The following DNAJC15 variants were observed in gnomAD, a reference collection of about 807,000 sequenced individuals.
DNAJC15 encodes DnaJ heat shock protein family (Hsp40) member C15, also known as dnaJ homolog subfamily C member 15.
Under a neutral mutation model 22.4 loss-of-function variants are expected in DNAJC15, and 27 were observed. That is an observed-to-expected ratio of 1.20 (90% confidence interval 0.89 to 1.66). DNAJC15 has a LOEUF of 1.66. Among genes scored for constraint, DNAJC15 ranks in the 40% most tolerant of loss-of-function variants. DNAJC15 has a pLI of 0.00. For synonymous variants in DNAJC15, 79 were observed against 63.2 expected, an observed-to-expected ratio of 1.25 and a Z score of -1.19; for missense variants, 208 against 187.1, an observed-to-expected ratio of 1.11 and a Z score of -0.65.
chr13:43,107,118 G>A (rs889179583), intron 5 of DNAJC15, 60 bp from the exon 6 acceptor site: 8 of 1,331,036 alleles, frequency 6.0e-6, no homozygotes, highest in Non-Finnish European at 8.1e-6. Flanking sequence ...TATATTTTGG[G>A]GACTTTAAAG....
At chr13:43,091,394 G>A (rs997394026) in intron 5 of DNAJC15, among the ~76,000 whole-genome samples, 1 of 152,090 alleles carries the variant, frequency 6.6e-6, no homozygotes, top group Non-Finnish European at 1.5e-5. Context: ...GGCCAATTCA[G>A]GTTATTTAAA....
intron 2 of DNAJC15, 112 bp downstream of exon 2, chr13:43,065,849 A>T (rs993332593): frequency 1.3e-5 from 11 of 843,004 alleles, no homozygotes; most frequent in Non-Finnish European, 2.1e-5. Context: ...TTCAGACATA[A>T]TACATTCTCA....
chr13:43,063,917 C>T (rs1296577315), intron 1 of DNAJC15, among the ~76,000 whole-genome samples: 3 of 152,112 alleles, frequency 2.0e-5, no homozygotes, highest in Non-Finnish European at 4.4e-5. Context: ...TATGTAGCAC[C>T]AGGGAAGCGC....
intron 1 of DNAJC15, among the ~76,000 whole-genome samples, chr13:43,041,404 C>G (rs2040453152): frequency 6.6e-6 from 1 of 152,234 alleles, no homozygotes; most frequent in Admixed American, 6.5e-5. Context: ...AACAGCATCT[C>G]AAGGCAGAAG....
chr13:43,064,499 A>G (rs2153440794), intron 1 of DNAJC15, among the ~76,000 whole-genome samples: 1 of 151,890 alleles, frequency 6.6e-6, no homozygotes, highest in East Asian at 1.9e-4. Context: ...GTCTCTGCCG[A>G]CTCTTCAGGA....
chr13:43,086,671 C>T (rs2040690304), intron 5 of DNAJC15, among the ~76,000 whole-genome samples: 1 of 152,104 alleles, frequency 6.6e-6, no homozygotes, highest in South Asian at 2.1e-4. Context: ...GGTTTTTGCA[C>T]TTATTATTCT....
rs1033064530 is a variant in DNAJC15 at position 43,110,667 on chromosome 13, A to T, written c.*3419A>T. ...CCTACATAGTAGAAGGTTAAAATGTATCCCTCTTTTTCTGGTGCATCCAGC... is the reference window on the plus strand; with the variant it reads ...CCTACATAGTAGAAGGTTAAAATGTTTCCCTCTTTTTCTGGTGCATCCAGC... On this transcript the variant is annotated 3_prime_UTR_variant, in exon 6 of 6. Coordinates refer to ENST00000379221, the MANE Select transcript of DNAJC15 (RefSeq NM_013238.3). 6.6e-6 allele frequency: 1 copy of T among 152,224 alleles called. No homozygotes were observed. Among genetic ancestry groups the T allele is most frequent in the Non-Finnish European group, 1.5e-5 (1 of 68,040 alleles). The allele number at this position is 152,224 out of a possible 1,614,324, so 9.4% of individuals were successfully genotyped here. A position where few individuals can be genotyped will look rare whatever the true frequency, so the allele number is the denominator to read the frequency against.
At chr13:43,047,400 T>C (rs1593313469) in intron 1 of DNAJC15, among the ~76,000 whole-genome samples, 2 of 152,240 alleles carry the variant, frequency 1.3e-5, no homozygotes, top group South Asian at 4.1e-4. Flanking sequence ...GAAAGCTTTT[T>C]TGAGAAGATG....
intron 1 of DNAJC15, among the ~76,000 whole-genome samples, chr13:43,064,170 G>A (rs932308115): frequency 6.6e-6 from 1 of 152,118 alleles, no homozygotes; most frequent in Non-Finnish European, 1.5e-5. Context: ...ACTGATGAGG[G>A]GAGAAGCCTA....
chr13:43,036,194 G>T (rs1455909821), intron 1 of DNAJC15, among the ~76,000 whole-genome samples: 7 of 142,652 alleles, frequency 4.9e-5, no homozygotes, highest in South Asian at 2.2e-4. Context: ...TTGAGACAGG[G>T]TCTCACTGTC....
chr13:43,074,527 T>G (rs2040623479), intron 3 of DNAJC15, among the ~76,000 whole-genome samples: 1 of 152,192 alleles, frequency 6.6e-6, no homozygotes, highest in African/African-American at 2.4e-5. Context: ...TACCACAGTG[T>G]TGTCAGAAAA....
intron 1 of DNAJC15, among the ~76,000 whole-genome samples, chr13:43,034,480 T>C (rs906990908): frequency 6.6e-6 from 1 of 151,782 alleles, no homozygotes; most frequent in African/African-American, 2.4e-5. Flanking sequence ...CGCGCCCGGC[T>C]AATTTTTTGA....
In DNAJC15 at chr13:43,068,919, TTAC is replaced by T; in HGVS notation, c.161-8_161-6del. On this transcript the variant is annotated splice_region_variant and splice_polypyrimidine_tract_variant and intron_variant, in intron 2 of 5. Coordinates refer to ENST00000379221, the MANE Select transcript of DNAJC15 (RefSeq NM_013238.3). ...GAAAATACATTTGCTTTTATTCCCT[TTAC>T]TATTTAGGTCGCTACGCATTTCGGA... 1 of 1,609,740 alleles carries T rather than the reference TTAC, an allele frequency of 6.2e-7. No homozygotes were observed. The highest frequency in any genetic ancestry group is 8.5e-7 in the Non-Finnish European group (1 of 1,177,996).
chr13:43,038,308 T>C (rs2040437760), intron 1 of DNAJC15, among the ~76,000 whole-genome samples: 1 of 152,232 alleles, frequency 6.6e-6, no homozygotes, highest in African/African-American at 2.4e-5. Flanking sequence ...AACCATTCTT[T>C]TGACAATTTG....
At chr13:43,045,374 C>T (rs1320326030) in intron 1 of DNAJC15, among the ~76,000 whole-genome samples, 1 of 152,192 alleles carries the variant, frequency 6.6e-6, no homozygotes, top group African/African-American at 2.4e-5. Context: ...GGGCTTTATT[C>T]AGCTGGGAGC....
At chr13:43,039,980 C>A (rs1447222311) in intron 1 of DNAJC15, among the ~76,000 whole-genome samples, 2 of 152,184 alleles carry the variant, frequency 1.3e-5, no homozygotes, top group African/African-American at 2.4e-5. Context: ...GGTCACACCA[C>A]TGCGCTCCAT....
intron 1 of DNAJC15, among the ~76,000 whole-genome samples, chr13:43,031,645 A>G (rs57429273): frequency 6.8e-4 from 104 of 152,348 alleles, no homozygotes; most frequent in African/African-American, 2.4e-3. Flanking sequence ...TAGTCTATAT[A>G]ATAATCCTAG....
Position 43,109,361 on chromosome 13 carries a change from C to T in DNAJC15, c.*2113C>T, listed in dbSNP as rs1399536744. On this transcript the variant is annotated 3_prime_UTR_variant, in exon 6 of 6. Coordinates refer to ENST00000379221, the MANE Select transcript of DNAJC15 (RefSeq NM_013238.3). ...TGGAGCACTTGCATTTAGCAGGCAT[C>T]ATAAAGTTTTACGTACCAAGAAAAT... The T allele has an allele frequency of 6.6e-6, 1 of 152,170 alleles. No individual in the cohort carries two copies. Among genetic ancestry groups the T allele is most frequent in the Non-Finnish European group, 1.5e-5 (1 of 68,030 alleles). The allele number at this position is 152,170 out of a possible 1,614,324, so 9.4% of individuals were successfully genotyped here. A position where few individuals can be genotyped will look rare whatever the true frequency, so the allele number is the denominator to read the frequency against.
At chr13:43,096,446 A>G (rs2040740044) in intron 5 of DNAJC15, among the ~76,000 whole-genome samples, 1 of 152,220 alleles carries the variant, frequency 6.6e-6, no homozygotes, top group Admixed American at 6.5e-5. Context: ...TCTGGATCCC[A>G]GATTTTTTAT....
Sources: gnomAD v4.1 joint callset for allele counts (sites outside exome capture counted in the v4.1 genomes callset) on GRCh38, gnomAD v4.1.1 for gene constraint, MANE v1.5 for transcripts, NCBI Gene and HGNC (gene_info 2026-07-23, HGNC 2026-07-21) for gene names.